The following TOP6BL variants were observed in gnomAD, a reference collection of about 807,000 sequenced individuals.
TOP6BL encodes TOP6B like initiator of meiotic double strand breaks.
chr11:66,796,112 A>G, the TOP6BL span: 2 of 571,238 alleles, frequency 3.5e-6, no homozygotes, highest in Non-Finnish European at 6.3e-6. Flanking sequence ...AGTGATGGCT[A>G]TTTAGATTTT....
the TOP6BL span, among the ~76,000 whole-genome samples, chr11:66,820,011 C>T: frequency 2.0e-5 from 3 of 151,550 alleles, no homozygotes; most frequent in African/African-American, 7.3e-5. Context: ...CCCCGGTGGT[C>T]GAGGCTGCAG....
At chr11:66,789,048 G>C in the TOP6BL span, among the ~76,000 whole-genome samples, 1 of 152,130 alleles carries the variant, frequency 6.6e-6, no homozygotes, top group Non-Finnish European at 1.5e-5. Flanking sequence ...TCACTTTGGG[G>C]CTTAGAACTT....
chr11:66,801,055 C>G, the TOP6BL span: 2 of 1,613,858 alleles, frequency 1.2e-6, no homozygotes, highest in Non-Finnish European at 1.7e-6. Context: ...CCACTTTGAA[C>G]CTTGGGAATG....
chr11:66,843,146 C>T, the TOP6BL span: 3 of 1,609,992 alleles, frequency 1.9e-6, no homozygotes. Context: ...AGGTCCTCAC[C>T]CCGGGCCCCC....
At chr11:66,814,018 A>G in the TOP6BL span, 1 of 1,610,104 alleles carries the variant, frequency 6.2e-7, no homozygotes, top group Non-Finnish European at 8.5e-7. Flanking sequence ...GGATAGAGGT[A>G]TATCCTCCCT....
At chr11:66,836,196 A>G in the TOP6BL span, among the ~76,000 whole-genome samples, 22 of 152,232 alleles carry the variant, frequency 1.4e-4, no homozygotes, top group African/African-American at 5.3e-4. Context: ...AGAAAGGTCT[A>G]TTCAAATCTT....
chr11:66,827,214 C>A, the TOP6BL span, among the ~76,000 whole-genome samples: 1 of 150,792 alleles, frequency 6.6e-6, no homozygotes, highest in Admixed American at 6.6e-5. Flanking sequence ...CCACGCCCAG[C>A]TAATTTTGTA....
the TOP6BL span, among the ~76,000 whole-genome samples, chr11:66,821,434 C>G: frequency 6.6e-6 from 1 of 152,042 alleles, no homozygotes; most frequent in Non-Finnish European, 1.5e-5. Context: ...ACTACAGGTG[C>G]CCGCCACCGT....
the TOP6BL span, among the ~76,000 whole-genome samples, chr11:66,775,938 A>G: frequency 6.6e-6 from 1 of 151,962 alleles, no homozygotes; most frequent in Non-Finnish European, 1.5e-5. Flanking sequence ...TTTCAACCCT[A>G]CTGAATTCAT....
the TOP6BL span, among the ~76,000 whole-genome samples, chr11:66,839,776 T>TA: frequency 6.6e-6 from 1 of 152,304 alleles, no homozygotes; most frequent in Non-Finnish European, 1.5e-5. Context: ...GACAAAGGAA[T>TA]AAGTATCTTC....
the TOP6BL span, among the ~76,000 whole-genome samples, chr11:66,750,953 C>T: frequency 1.6e-4 from 25 of 152,178 alleles, no homozygotes; most frequent in Admixed American, 9.8e-4. Context: ...AGTCCTCTCA[C>T]TTTGGCCTCC....
chr11:66,813,783 G>A, the TOP6BL span: 2 of 1,324,036 alleles, frequency 1.5e-6, no homozygotes, highest in Admixed American at 3.8e-5. Context: ...GTGTAAACCA[G>A]GTCAGTGTTG....
chr11:66,757,998 G>A, the TOP6BL span: 19 of 349,562 alleles, frequency 5.4e-5, no homozygotes, highest in East Asian at 2.5e-3. Context: ...CTCTAGTTCC[G>A]TGATTCTCAA....
At chr11:66,764,210 A>T in the TOP6BL span, among the ~76,000 whole-genome samples, 1 of 152,148 alleles carries the variant, frequency 6.6e-6, no homozygotes, top group Admixed American at 6.6e-5. Context: ...CAAGTTCAAG[A>T]ATCATGGGCT....
At chr11:66,834,941 T>C in the TOP6BL span, among the ~76,000 whole-genome samples, 13 of 147,314 alleles carry the variant, frequency 8.8e-5, no homozygotes, top group South Asian at 2.3e-3. Flanking sequence ...GTCATAGATA[T>C]ATGTAGGGAC....
chr11:66,780,636 G>C, the TOP6BL span, among the ~76,000 whole-genome samples: 1 of 152,126 alleles, frequency 6.6e-6, no homozygotes, highest in Admixed American at 6.5e-5. Flanking sequence ...CCGGAGTGCA[G>C]TGGCGTGATC....
chr11:66,836,700 A>ATTTTTTTT, the TOP6BL span, among the ~76,000 whole-genome samples: 1 of 107,656 alleles, frequency 9.3e-6, no homozygotes, highest in Non-Finnish European at 1.8e-5. Flanking sequence ...AGAAAATATG[A>ATTTTTTTT]TTTTTTTTTT....
At chr11:66,761,347 G>A in the TOP6BL span, among the ~76,000 whole-genome samples, 1 of 151,774 alleles carries the variant, frequency 6.6e-6, no homozygotes, top group Non-Finnish European at 1.5e-5. Context: ...CAACAGCCTG[G>A]GCGACAGAGC....
the TOP6BL span, among the ~76,000 whole-genome samples, chr11:66,763,779 A>T: frequency 5.3e-5 from 8 of 151,748 alleles, no homozygotes; most frequent in Non-Finnish European, 1.2e-4. Flanking sequence ...TACTTTTTAA[A>T]TTTTTTCTAA....
Sources: allele counts gnomAD v4.1 joint callset (sites outside exome capture counted in the v4.1 genomes callset), GRCh38; gene constraint gnomAD v4.1.1; transcripts MANE v1.5; gene names NCBI Gene and HGNC (gene_info 2026-07-23, HGNC 2026-07-21).